ERN1: variants seen among roughly 807,000 people sequenced by gnomAD.
ERN1 encodes the protein serine/threonine-protein kinase/endoribonuclease IRE1.
A neutral mutation model predicts 113.1 loss-of-function variants in ERN1; 39 were observed. The ratio of observed to expected loss-of-function variants is 0.34; its 90% CI spans 0.27 to 0.45. The LOEUF (loss-of-function observed/expected upper bound fraction) is 0.45. Ranked by LOEUF, ERN1 falls within the 20% of genes least tolerant of loss-of-function variation. The pLI, the probability that ERN1 is intolerant of heterozygous loss-of-function variation, is 1.00. For missense variants in ERN1, 976 were observed against 1,274.8 expected, an observed-to-expected ratio of 0.77 and a Z score of 3.57; for synonymous variants, 507 against 515.9, an observed-to-expected ratio of 0.98 and a Z score of 0.23.
chr17:64,085,772 A>G (rs948540493), intron 2 of ERN1, among the ~76,000 whole-genome samples: 3 of 152,112 alleles, frequency 2.0e-5, no homozygotes, highest in African/African-American at 7.2e-5. Flanking sequence ...AGATACCATG[A>G]TACGTGGTAT....
intron 19 of ERN1, among the ~76,000 whole-genome samples, chr17:64,047,524 T>A (rs897967816): frequency 1.3e-5 from 2 of 152,210 alleles, no homozygotes; most frequent in Non-Finnish European, 2.9e-5. Flanking sequence ...TTTAAACATT[T>A]ATGTATTATA....
Position 64,054,354 on chromosome 17 carries a change from G to T in ERN1, c.1849C>A (p.Arg617=), listed in dbSNP as rs914877046. 1 of 1,611,714 alleles carries T rather than the reference G, an allele frequency of 6.2e-7. No homozygotes were observed. The highest frequency in any genetic ancestry group is 1.1e-5 in the South Asian group (1 of 90,464). ...ACGTTCGGGTGCTCATCCGATTCTC[G>T]CAACAGCTGGACCTCACGGTCTGCG... ...SFADREVQLL[R]ESDEHPNVIR... The change falls in exon 15 of 22, where the codon CGA becomes AGA. Residue 617 remains arginine (R), a synonymous_variant. Coordinates refer to ENST00000433197, the MANE Select transcript of ERN1 (RefSeq NM_001433.5). The surrounding 1 kb of genome is among the most constrained non-coding windows in gnomAD (Gnocchi z 4.9).
chr17:64,063,918 G>T lies in ERN1; in HGVS notation c.1087+68C>A. On this transcript the variant is annotated intron_variant, in intron 10 of 21. Transcript: ENST00000433197. The surrounding 1 kb of genome is among the most constrained non-coding windows in gnomAD (Gnocchi z 5.1). Reference sequence around the variant, plus strand: ...GAGCTCAGTACGGTGTAACTACCAGGGCCGGCGGTCGCCCACCAGGAGGCA... The same window carrying T: ...GAGCTCAGTACGGTGTAACTACCAGTGCCGGCGGTCGCCCACCAGGAGGCA... 6.7e-7 allele frequency: 1 copy of T among 1,494,564 alleles called. No homozygotes were observed. The highest frequency in any genetic ancestry group is 9.2e-7 in the Non-Finnish European group (1 of 1,087,294). The allele number at this position is 1,494,564 out of a possible 1,614,324, so 92.6% of individuals were successfully genotyped here.
chr17:64,096,803 A>G (rs1162660443), intron 2 of ERN1, among the ~76,000 whole-genome samples: 2 of 152,244 alleles, frequency 1.3e-5, no homozygotes, highest in African/African-American at 2.4e-5. Flanking sequence ...ACTTGCAGAA[A>G]TGAAGACTTG....
At chr17:64,075,497 A>G (rs1913564964) in intron 4 of ERN1, among the ~76,000 whole-genome samples, 1 of 152,132 alleles carries the variant, frequency 6.6e-6, no homozygotes. Flanking sequence ...CAGTGGCACC[A>G]TCTTGGCTCA....
At chr17:64,098,360 G>C (rs1415442464) in intron 1 of ERN1, 119 bp from the exon 2 acceptor site, 4 of 1,280,022 alleles carry the variant, frequency 3.1e-6, no homozygotes, top group Non-Finnish European at 4.5e-6. Context: ...TACAGATGAA[G>C]AAATGGAAGG....
Position 64,129,993 on chromosome 17 carries a change from G to A in ERN1, c.37C>T (p.Leu13=), listed in dbSNP as rs1231232851. The change falls in exon 1 of 22, where the codon CTG becomes TTG. Residue 13 remains leucine (L), a synonymous_variant. Coordinates refer to ENST00000433197, the MANE Select transcript of ERN1 (RefSeq NM_001433.5). ...ARRLLLLLTL[L]LPGLGIFGST... Reference sequence around the variant, plus strand: ...TCACTCACCCCGAGGCCGGGCAGCAGCAGCGTCAGCAGCAGCAGCAGCCGC... The same window carrying A: ...TCACTCACCCCGAGGCCGGGCAGCAACAGCGTCAGCAGCAGCAGCAGCCGC... 1.4e-6 allele frequency: 2 copies of A among 1,447,924 alleles called. No individual in the cohort carries two copies. Among genetic ancestry groups the A allele is most frequent in the East Asian group, 3.0e-5 (1 of 33,272 alleles). The allele number at this position is 1,447,924 out of a possible 1,614,324, so 89.7% of individuals were successfully genotyped here. A position where few individuals can be genotyped will look rare whatever the true frequency, so the allele number is the denominator to read the frequency against.
intron 6 of ERN1, among the ~76,000 whole-genome samples, chr17:64,070,254 G>A (rs1913368247): frequency 6.6e-6 from 1 of 152,194 alleles, no homozygotes; most frequent in South Asian, 2.1e-4. Flanking sequence ...GAATAAAGAT[G>A]ATGGGTTCTT....
Position 64,054,189 on chromosome 17 carries a change from T to A in ERN1, c.1953+61A>T. 1.4e-6 allele frequency: 2 copies of A among 1,449,072 alleles called. No individual in the cohort carries two copies. Among genetic ancestry groups the A allele is most frequent in the Non-Finnish European group, 1.9e-6 (2 of 1,070,008 alleles). 89.8% of individuals were successfully genotyped at this position (1,449,072 alleles called of 1,614,324 possible). ...TCCTGAGCTCACGTGATCTGCTCACTTTGGCCTCCCAAAGTGCTATGACTT... is the reference window on the plus strand; with the variant it reads ...TCCTGAGCTCACGTGATCTGCTCACATTGGCCTCCCAAAGTGCTATGACTT... On this transcript the variant is annotated intron_variant, in intron 15 of 21. Transcript: ENST00000433197. This position sits in a 1 kb window ranked among gnomAD's most constrained non-coding sequence, Gnocchi z 4.9.
intron 18 of ERN1, 81 bp from the exon 19 acceptor site, chr17:64,048,066 AC>A: frequency 8.2e-7 from 1 of 1,218,622 alleles, no homozygotes; most frequent in Non-Finnish European, 1.1e-6. Context: ...AAAGCTGCAC[AC>A]CCTCTCATTT....
chr17:64,115,971 G>A (rs1914793389), intron 1 of ERN1, among the ~76,000 whole-genome samples: 1 of 152,208 alleles, frequency 6.6e-6, no homozygotes, highest in Admixed American at 6.5e-5. Flanking sequence ...ATTTGACAGA[G>A]TTTAGAAGTC....
rs756172050 is a variant in ERN1, at chr17:64,044,115, C to T, written c.2807G>A (p.Arg936His). ...PDDFVCYFTS[R>H]FPHLLAHTYR... ...GGTGTGTGCGAGGAGGTGGGGGAAG[C>T]GAGATGTGAAGTAGCACACGAAGTC... The change falls in exon 22 of 22, where the codon CGC becomes CAC. Residue 936 changes from arginine (R) to histidine (H), a missense_variant. By Grantham distance (29) the Arg-to-His change is conservative. This residue lies in a region of ERN1 where 92 missense variants were observed against 87.3 expected (regional missense o/e 1.05). Coordinates refer to ENST00000433197, the MANE Select transcript of ERN1 (RefSeq NM_001433.5). This position sits in a 1 kb window ranked among gnomAD's most constrained non-coding sequence, Gnocchi z 4.1. 7 of 1,611,356 alleles carry T rather than the reference C, an allele frequency of 4.3e-6. No individual in the cohort carries two copies. Among genetic ancestry groups the T allele is most frequent in the Admixed American group, 1.7e-5 (1 of 59,720 alleles).
In ERN1 at chr17:64,054,306, T is replaced by C; in HGVS notation, c.1897A>G (p.Lys633Glu). The change falls in exon 15 of 22, where the codon AAG becomes GAG. Residue 633 changes from lysine to glutamate, a missense_variant. Lys to Glu is a moderately conservative substitution (Grantham distance 56, BLOSUM62 1). This residue lies in a region of ERN1 where 297 missense variants were observed against 457.8 expected (regional missense o/e 0.65). Coordinates refer to ENST00000433197, the MANE Select transcript of ERN1 (RefSeq NM_001433.5). This position sits in a 1 kb window ranked among gnomAD's most constrained non-coding sequence, Gnocchi z 4.9. Reference sequence around the variant, plus strand: ...GCAATGTACTGGAATTGCCGGTCCTTCTCCGTGCAGAAGTAGCGGATCACG... The same window carrying C: ...GCAATGTACTGGAATTGCCGGTCCTCCTCCGTGCAGAAGTAGCGGATCACG... ...PNVIRYFCTE[K>E]DRQFQYIAIE... The C allele has an allele frequency of 6.2e-7, 1 of 1,613,906 alleles. No homozygotes were observed. The highest frequency in any genetic ancestry group is 1.1e-5 in the South Asian group (1 of 91,022).
chr17:64,084,185 T>C (rs547912527), intron 2 of ERN1, among the ~76,000 whole-genome samples: 1 of 152,260 alleles, frequency 6.6e-6, no homozygotes, highest in African/African-American at 2.4e-5. Context: ...TGCCTGAGAC[T>C]GGCTTCTACT....
chr17:64,048,428 T>C (rs1457365872), intron 18 of ERN1, among the ~76,000 whole-genome samples: 1 of 152,246 alleles, frequency 6.6e-6, no homozygotes, highest in African/African-American at 2.4e-5. Flanking sequence ...ATAGCCATCA[T>C]TCATCCCTGT....
At chr17:64,053,229 C>A (rs1225888740) in intron 16 of ERN1, 43 bp downstream of exon 16, 1 of 1,509,488 alleles carries the variant, frequency 6.6e-7, no homozygotes. Context: ...GCCACTGATT[C>A]TCCCCACCCG....
intron 2 of ERN1, among the ~76,000 whole-genome samples, chr17:64,093,476 C>T (rs534963672): frequency 6.6e-6 from 1 of 152,294 alleles, no homozygotes; most frequent in South Asian, 2.1e-4. Context: ...AACAAAATAC[C>T]ATAGACTAGA....
chr17:64,089,189 G>A (rs1914018103), intron 2 of ERN1, among the ~76,000 whole-genome samples: 2 of 151,860 alleles, frequency 1.3e-5, no homozygotes, highest in African/African-American at 4.8e-5. Flanking sequence ...CATGGTGGCA[G>A]GCACGTGTAG....
At chr17:64,079,605 C>T (rs374652053) in intron 4 of ERN1, 57 bp downstream of exon 4, 848 of 1,405,270 alleles carry the variant, frequency 6.0e-4, no homozygotes, top group Non-Finnish European at 8.3e-4. Context: ...TGCAGACACA[C>T]TTAAGGACCG....
Sources: allele counts gnomAD v4.1 joint callset (sites outside exome capture counted in the v4.1 genomes callset), GRCh38; gene constraint gnomAD v4.1.1; regional missense constraint gnomAD v4.1.1; non-coding constraint Gnocchi (gnomAD v3.1); transcripts MANE v1.5; gene names NCBI Gene and HGNC (gene_info 2026-07-23, HGNC 2026-07-21).